Variants in ZNF90 observed in about 807,000 individuals in gnomAD.
ZNF90 encodes the protein zinc finger protein 90.
A neutral mutation model predicts 12.0 loss-of-function variants in ZNF90; 11 were observed. The ratio of observed to expected loss-of-function variants is 0.92; its 90% CI spans 0.58 to 1.52. The LOEUF is 1.52. ZNF90 is among the 40% of genes most tolerant of loss of function. The pLI, the probability that ZNF90 is intolerant of heterozygous loss-of-function variation, is 0.00. For synonymous variants in ZNF90, 232 were observed against 240.1 expected, an observed-to-expected ratio of 0.97 and a Z score of 0.31; for missense variants, 765 against 711.5, an observed-to-expected ratio of 1.08 and a Z score of -0.86.
intron 2 of ZNF90, 56 bp from the exon 3 acceptor site, chr19:20,105,161 TACTA>T (rs1328980882): frequency 6.7e-6 from 9 of 1,339,916 alleles, no homozygotes; most frequent in Non-Finnish European, 9.4e-6. Flanking sequence ...CTGAGCACAG[TACTA>T]GCTTGTAATT....
intron 1 of ZNF90, among the ~76,000 whole-genome samples, chr19:20,085,268 C>CTTTTTTTTTTCTTTTT (rs56068843): frequency 7.4e-6 from 1 of 135,568 alleles, no homozygotes. Flanking sequence ...TTGCATTGGT[C>CTTTTTTTTTTCTTTTT]TTTTTTTTTT....
chr19:20,095,085 C>G (rs1285096216), intron 1 of ZNF90, among the ~76,000 whole-genome samples: 2 of 151,798 alleles, frequency 1.3e-5, no homozygotes, highest in South Asian at 4.2e-4. Context: ...TCAGATGGGT[C>G]TGTAGAAAAG....
chr19:20,093,073 G>A (rs1162684436), intron 1 of ZNF90, among the ~76,000 whole-genome samples: 1 of 152,224 alleles, frequency 6.6e-6, no homozygotes, highest in Non-Finnish European at 1.5e-5. Context: ...GGGACGAGGG[G>A]TGCAGGGGAA....
At chr19:20,091,260 A>G (rs1023419052) in intron 1 of ZNF90, among the ~76,000 whole-genome samples, 2 of 152,116 alleles carry the variant, frequency 1.3e-5, no homozygotes, top group Non-Finnish European at 2.9e-5. Context: ...GGGGGCCTGA[A>G]CAATCCCTGA....
intron 3 of ZNF90, among the ~76,000 whole-genome samples, chr19:20,108,045 A>G (rs1452961594): frequency 2.0e-5 from 3 of 152,168 alleles, no homozygotes; most frequent in African/African-American, 4.8e-5. Flanking sequence ...ATATTTAACA[A>G]TGTAAGTCTA....
rs2089188482 is a variant in ZNF90, at chr19:20,120,796, T to A, written c.*1436T>A. 6.6e-6 allele frequency: 1 copy of A among 152,208 alleles called. No individual in the cohort carries two copies. The highest frequency in any genetic ancestry group is 1.5e-5 in the Non-Finnish European group (1 of 68,020). The allele number at this position is 152,208 out of a possible 1,614,324, so 9.4% of individuals were successfully genotyped here. ...TACATTGAAAGTATACTTGCTTTCT[T>A]GAGAAAAAATTTTTGAAAAGTGAAT... On this transcript the variant is annotated 3_prime_UTR_variant, in exon 4 of 4. Coordinates refer to ENST00000418063, the MANE Select transcript of ZNF90 (RefSeq NM_007138.2).
At position 20,080,495 on chromosome 19, in the gene ZNF90, C is replaced by T. The variant is rs2088812259; in HGVS notation, c.3+2360C>T. The T allele has an allele frequency of 1.5e-5, 4 of 265,552 alleles. No individual in the cohort carries two copies. In the South Asian group the frequency reaches 1.8e-4, roughly 12 times the overall value. The allele number at this position is 265,552 out of a possible 1,614,324, so 16.4% of individuals were successfully genotyped here. ...TCTTGTGGTAGGGCTTTCTCTTGCC[C>T]CTGGACTTGCAGCGTTTGTGCCAGT... On this transcript the variant is annotated intron_variant, in intron 1 of 3. Transcript: ENST00000418063.
At chr19:20,080,192 A>G in intron 1 of ZNF90, 1 of 523,068 alleles carries the variant, frequency 1.9e-6, no homozygotes, top group Non-Finnish European at 3.8e-6. Context: ...GGCAGCACAT[A>G]ATGGGACTAG....
intron 1 of ZNF90, among the ~76,000 whole-genome samples, chr19:20,082,042 G>A (rs1568281416): frequency 6.6e-6 from 1 of 151,966 alleles, no homozygotes; most frequent in Non-Finnish European, 1.5e-5. Context: ...GGGATTACAG[G>A]CGTGAGCCAC....
chr19:20,082,919 C>T (rs150110208), intron 1 of ZNF90, among the ~76,000 whole-genome samples: 141 of 152,148 alleles, frequency 9.3e-4, no homozygotes, highest in African/African-American at 3.0e-3. Flanking sequence ...ACCCCCTTAA[C>T]GCTGGAGGTG....
rs1484224696 is a variant in ZNF90, at chr19:20,120,879, CAT to C, written c.*1520_*1521del. The C allele has an allele frequency of 1.3e-5, 2 of 152,138 alleles. No homozygotes were observed. The highest frequency in any genetic ancestry group is 2.9e-5 in the Non-Finnish European group (2 of 68,024). 9.4% of individuals were successfully genotyped at this position (152,138 alleles called of 1,614,324 possible). ...CTTTATTTCTATTCACATGTGAAAG[CAT>C]GTGATCAATTGATGCTGCATCAGAG... On this transcript the variant is annotated 3_prime_UTR_variant, in exon 4 of 4. Transcript: ENST00000418063.
At chr19:20,116,744 T>A (rs529012420) in intron 3 of ZNF90, among the ~76,000 whole-genome samples, 1 of 152,298 alleles carries the variant, frequency 6.6e-6, no homozygotes, top group Admixed American at 6.5e-5. Flanking sequence ...TATTGTTTAG[T>A]TAAATGGCTT....
intron 1 of ZNF90, chr19:20,079,921 T>C (rs544508706): frequency 6.2e-5 from 26 of 417,192 alleles, no homozygotes; most frequent in Admixed American, 9.8e-5. Context: ...TTCTTTTTCC[T>C]TTCATCGTAT....
In ZNF90 at chr19:20,118,910, C is replaced by T. The variant is rs782161502; in HGVS notation, c.1356C>T (p.Pro452=). The change falls in exon 4 of 4, where the codon CCC becomes CCT. Residue 452 remains proline (P), a synonymous_variant. Transcript: ENST00000418063. ...THKIIHSGEK[P]YKCEECGKAF... is the part of the protein sequence containing the mutation. ...AGATAATTCATAGTGGAGAGAAACC[C>T]TACAAATGTGAAGAATGTGGCAAAG... 6.2e-7 allele frequency: 1 copy of T among 1,613,236 alleles called. No homozygotes were observed. The highest frequency in any genetic ancestry group is 8.5e-7 in the Non-Finnish European group (1 of 1,179,598).
intron 1 of ZNF90, among the ~76,000 whole-genome samples, chr19:20,090,728 T>C (rs2088895810): frequency 1.3e-5 from 2 of 152,118 alleles, no homozygotes; most frequent in Non-Finnish European, 2.9e-5. Flanking sequence ...AGGGCTGGTG[T>C]CTGGGATGAG....
chr19:20,120,716 A>G lies in ZNF90; in HGVS notation c.*1356A>G, dbSNP rs2089187826. On this transcript the variant is annotated 3_prime_UTR_variant, in exon 4 of 4. Coordinates refer to ENST00000418063, the MANE Select transcript of ZNF90 (RefSeq NM_007138.2). ...TGAGTATAAAAAAGAATCCACAACAAAAATTGTTAGATAAATTATATATAG... is the reference window on the plus strand; with the variant it reads ...TGAGTATAAAAAAGAATCCACAACAGAAATTGTTAGATAAATTATATATAG... 1.3e-5 allele frequency: 2 copies of G among 152,228 alleles called. No homozygotes were observed. Among genetic ancestry groups the G allele is most frequent in the Admixed American group, 1.3e-4 (2 of 15,284 alleles). 9.4% of individuals were successfully genotyped at this position (152,228 alleles called of 1,614,324 possible).
chr19:20,078,851 G>C (rs1263669723), intron 1 of ZNF90, among the ~76,000 whole-genome samples: 1 of 152,024 alleles, frequency 6.6e-6, no homozygotes, highest in Admixed American at 6.5e-5. Flanking sequence ...GGCCAGGCGC[G>C]GTGGCTCCTG....
chr19:20,107,180 A>G (rs1253034279), intron 3 of ZNF90: 10 of 364,024 alleles, frequency 2.7e-5, no homozygotes, highest in Non-Finnish European at 5.4e-5. Flanking sequence ...GGACCCCAGT[A>G]AAGGCCAATG....
intron 2 of ZNF90, among the ~76,000 whole-genome samples, 175 bp from the exon 3 acceptor site, chr19:20,105,046 C>T (rs1365456448): frequency 6.6e-6 from 1 of 152,076 alleles, no homozygotes; most frequent in Admixed American, 6.6e-5. Context: ...AAACCACACA[C>T]ACACAAAAGA....
Sources: gnomAD v4.1 joint callset for allele counts (sites outside exome capture counted in the v4.1 genomes callset) on GRCh38, gnomAD v4.1.1 for gene constraint, MANE v1.5 for transcripts, NCBI Gene and HGNC (gene_info 2026-07-23, HGNC 2026-07-21) for gene names.